Variants in OSBPL7 observed in about 807,000 individuals in gnomAD.
The protein encoded by OSBPL7 is oxysterol-binding protein-related protein 7.
In OSBPL7, 66 loss-of-function variants were observed where a neutral mutation model predicts 115.8. That is an observed-to-expected ratio of 0.57 (90% CI 0.47 to 0.70). OSBPL7 has a LOEUF of 0.70. Among genes scored for constraint, OSBPL7 ranks in the 30% least tolerant of loss-of-function variants. OSBPL7 has a pLI of 0.00. For synonymous variants in OSBPL7, 441 were observed against 439.2 expected (o/e 1.00, Z -0.05); for missense variants, 902 against 1,125.5 (o/e 0.80, Z 2.84).
Position 47,818,377 on chromosome 17 carries a change from C to A in OSBPL7, c.490G>T (p.Ala164Ser). 1.2e-6 allele frequency: 2 copies of A among 1,613,564 alleles called. No individual in the cohort carries two copies. The highest frequency in any genetic ancestry group is 1.7e-6 in the Non-Finnish European group (2 of 1,179,712). The change falls in exon 7 of 23, where the codon GCC becomes TCC. Residue 164 changes from alanine to serine, a missense_variant. Physicochemically the swap from Ala to Ser is moderately conservative, Grantham distance 99. Transcript: ENST00000007414. The stretch of plus-strand genomic sequence containing the variant: ...GCAGTAGCTGCTGTTGGAAGCTGGG[C>A]ACCAGGAACCTGTGGGGTGAGCCCA... ...PSTAHRKVPG[A>S]QLPTAATASA...
rs912682887 is a variant in OSBPL7 at position 47,813,592 on chromosome 17, G to A, written c.1594C>T (p.Arg532Cys). 9 of 1,609,856 alleles carry A rather than the reference G, an allele frequency of 5.6e-6. No homozygotes were observed. Among genetic ancestry groups the A allele is most frequent in the South Asian group, 1.1e-5 (1 of 90,980 alleles). ...QASRIADPCERMVYIAAFAVS... is the reference protein window; with the variant it reads ...QASRIADPCECMVYIAAFAVS... ...TGAGGACAGGAAGCAGGTACCATGC[G>A]CTCGCAGGGGTCGGCGATGCGGCTG... Residue 532 changes from arginine (R) to cysteine (C), a missense_variant, in exon 15 of 23, where the codon CGC becomes TGC. Arg to Cys is a radical substitution (Grantham distance 180). Around this residue, in one of 3 missense-constraint regions of OSBPL7, gnomAD observed 667 missense variants for 788.7 expected, o/e 0.85. Transcript: ENST00000007414.
In OSBPL7 at chr17:47,815,268, C is replaced by G; in HGVS notation, c.1204G>C (p.Glu402Gln). The change falls in exon 13 of 23, where the codon GAG becomes CAG. Residue 402 changes from glutamate to glutamine, a missense_variant. This residue lies in a region of OSBPL7 where 667 missense variants were observed against 788.7 expected (regional missense o/e 0.85). Transcript: ENST00000007414. ...AGAACCTCGCAGGCATCGAAGAACT[C>G]CGTGTGGGAATCAGCAAGGGACAGG... Reference protein sequence around the residue: ...SILSLADSHTEFFDACEVLLS... With the variant: ...SILSLADSHTQFFDACEVLLS... 1 of 1,613,970 alleles carries G rather than the reference C, an allele frequency of 6.2e-7. No individual in the cohort carries two copies. The highest frequency in any genetic ancestry group is 1.1e-5 in the South Asian group (1 of 91,066).
In OSBPL7 at chr17:47,816,630, G is replaced by T. The variant is rs1291717147; in HGVS notation, c.861C>A (p.Gly287=). 1.9e-6 allele frequency: 3 copies of T among 1,613,976 alleles called. No individual in the cohort carries two copies. In the Admixed American group the frequency reaches 5.0e-5, roughly 27 times the overall value. ...SRYLESRDSS[G]TRGLPPTDYA... is the part of the protein sequence containing the mutation. ...AGTCTGTGGGTGGCAGCCCACGGGT[G>T]CCCGAGGAGTCCCGAGACTCCAGGT... is the stretch of plus-strand genomic sequence containing the variant. The change falls in exon 10 of 23, where the codon GGC becomes GGA. Residue 287 remains glycine (G), a synonymous_variant. Transcript: ENST00000007414. This position sits in a 1 kb window ranked among gnomAD's most constrained non-coding sequence, Gnocchi z 5.8.
chr17:47,808,022 G>A lies in OSBPL7; in HGVS notation c.*269C>T, dbSNP rs1598009227. The A allele has an allele frequency of 9.9e-6, 5 of 502,962 alleles. No individual in the cohort carries two copies. The highest frequency in any genetic ancestry group is 3.3e-5 in the East Asian group (1 of 30,156). 31.2% of individuals were successfully genotyped at this position (502,962 alleles called of 1,614,324 possible). A position where few individuals can be genotyped will look rare whatever the true frequency, so the allele number is the denominator to read the frequency against. On this transcript the variant is annotated 3_prime_UTR_variant, in exon 23 of 23. Coordinates refer to ENST00000007414, the MANE Select transcript of OSBPL7 (RefSeq NM_145798.3). The surrounding 1 kb of genome is among the most constrained non-coding windows in gnomAD (Gnocchi z 6.1). ...AAGTACCCCAAAGGGGACAGGAATC[G>A]GAATGGTGAAGCGGGAAGGGTCTTA...
At position 47,819,679 on chromosome 17, in the gene OSBPL7, A is replaced by G. The variant is rs1276781870; in HGVS notation, c.255+50T>C. On this transcript the variant is annotated intron_variant, in intron 4 of 22. Transcript: ENST00000007414. ...CAGATACCCCATGCCTGCCCAGGGC[A>G]TACTGGGGCCAGACTCCTCCCACAA... 2.5e-6 allele frequency: 4 copies of G among 1,607,206 alleles called. No homozygotes were observed. The African/African-American group carries it at 4.0e-5, about 16-fold the overall frequency.
Position 47,816,368 on chromosome 17 carries a change from C to T in OSBPL7, c.1023+20G>A, listed in dbSNP as rs895731817. ...TGAAGCCCTCTCCCCGCACCAGTCA[C>T]CCTGTCCCCCAGGCCTCACCCCCAT... On this transcript the variant is annotated intron_variant, in intron 11 of 22. Transcript: ENST00000007414. The surrounding 1 kb of genome is among the most constrained non-coding windows in gnomAD (Gnocchi z 5.8). 1 of 1,491,048 alleles carries T rather than the reference C, an allele frequency of 6.7e-7. No individual in the cohort carries two copies. Among genetic ancestry groups the T allele is most frequent in the African/African-American group, 1.4e-5 (1 of 71,324 alleles). The allele number at this position is 1,491,048 out of a possible 1,614,324, so 92.4% of individuals were successfully genotyped here.
In OSBPL7 at chr17:47,816,053, C is replaced by T. The variant is rs1445508659; in HGVS notation, c.1119+54G>A. 1.9e-5 allele frequency: 28 copies of T among 1,472,606 alleles called. No individual in the cohort carries two copies. The highest frequency in any genetic ancestry group is 2.5e-5 in the Non-Finnish European group (27 of 1,095,072). The allele number at this position is 1,472,606 out of a possible 1,614,324, so 91.2% of individuals were successfully genotyped here. On this transcript the variant is annotated intron_variant, in intron 12 of 22. Coordinates refer to ENST00000007414, the MANE Select transcript of OSBPL7 (RefSeq NM_145798.3). The surrounding 1 kb of genome is among the most constrained non-coding windows in gnomAD (Gnocchi z 5.8). ...CCACTGCCCTGGGCCTTGGCTTTCGCTGGGAGAGAAGGCACAGGAGAATCG... is the reference window on the plus strand; with the variant it reads ...CCACTGCCCTGGGCCTTGGCTTTCGTTGGGAGAGAAGGCACAGGAGAATCG...
At position 47,808,534 on chromosome 17, in the gene OSBPL7, G is replaced by T; in HGVS notation, c.2420+4C>A. 6.2e-7 allele frequency: 1 copy of T among 1,614,202 alleles called. No homozygotes were observed. The highest frequency in any genetic ancestry group is 8.5e-7 in the Non-Finnish European group (1 of 1,180,012). ...ACCCAGGGCGGAGGGCGAGGCCGAG[G>T]CACCTGAAGAAGCGAGCCTGGTGTA... On this transcript the variant is annotated splice_donor_region_variant and intron_variant, in intron 22 of 22. Transcript: ENST00000007414. This position sits in a 1 kb window ranked among gnomAD's most constrained non-coding sequence, Gnocchi z 6.1.
Position 47,815,285 on chromosome 17 carries a change from A to C in OSBPL7, c.1187T>G (p.Leu396Arg). 1 of 1,613,992 alleles carries C rather than the reference A, an allele frequency of 6.2e-7. No homozygotes were observed. Among genetic ancestry groups the C allele is most frequent in the Non-Finnish European group, 8.5e-7 (1 of 1,179,994 alleles). ...PQLSQTSILS[L>R]ADSHTEFFDA... is the part of the protein sequence containing the mutation. Reference sequence around the variant, plus strand: ...GAAGAACTCCGTGTGGGAATCAGCAAGGGACAGGATGCTGGTCTGCGATAG... The same window carrying C: ...GAAGAACTCCGTGTGGGAATCAGCACGGGACAGGATGCTGGTCTGCGATAG... Residue 396 changes from leucine to arginine, a missense_variant, in exon 13 of 23, where the codon CTT becomes CGT. By Grantham distance (102) the Leu-to-Arg change is moderately radical (BLOSUM62 -2). This residue lies in a region of OSBPL7 where 667 missense variants were observed against 788.7 expected (regional missense o/e 0.85). Coordinates refer to ENST00000007414, the MANE Select transcript of OSBPL7 (RefSeq NM_145798.3).
rs1598010448 is a variant in OSBPL7, at chr17:47,808,761, C to T, written c.2298-101G>A. The T allele has an allele frequency of 1.9e-6, 3 of 1,602,078 alleles. No individual in the cohort carries two copies. Among genetic ancestry groups the T allele is most frequent in the East Asian group, 4.5e-5 (2 of 44,650 alleles). On this transcript the variant is annotated intron_variant, in intron 21 of 22. Coordinates refer to ENST00000007414, the MANE Select transcript of OSBPL7 (RefSeq NM_145798.3). This position sits in a 1 kb window ranked among gnomAD's most constrained non-coding sequence, Gnocchi z 6.1. ...AACTCTGTCCTCTAGACAAGCCCCACTTCTCTGAGGCCACTCAGTGAAGGA... is the reference window on the plus strand; with the variant it reads ...AACTCTGTCCTCTAGACAAGCCCCATTTCTCTGAGGCCACTCAGTGAAGGA...
rs2033211890 is a variant in OSBPL7 at position 47,816,265 on chromosome 17, C to T, written c.1024-63G>A. The T allele has an allele frequency of 1.3e-6, 2 of 1,513,230 alleles. No individual in the cohort carries two copies. The highest frequency in any genetic ancestry group is 1.8e-6 in the Non-Finnish European group (2 of 1,119,398). 93.7% of individuals were successfully genotyped at this position (1,513,230 alleles called of 1,614,324 possible). ...TGAGGTCCTCCCCACCTTGCCGCATCTCTGCAGAGACTGCCTCTGCCAACC... is the reference window on the plus strand; with the variant it reads ...TGAGGTCCTCCCCACCTTGCCGCATTTCTGCAGAGACTGCCTCTGCCAACC... On this transcript the variant is annotated intron_variant, in intron 11 of 22. Transcript: ENST00000007414. The surrounding 1 kb of genome is among the most constrained non-coding windows in gnomAD (Gnocchi z 5.8).
At chr17:47,815,111 G>A (rs2033169970) in intron 13 of OSBPL7, 104 bp downstream of exon 13, 1 of 1,418,508 alleles carries the variant, frequency 7.0e-7, no homozygotes, top group Non-Finnish European at 9.5e-7. Context: ...AGCAGCTGAG[G>A]TGGTGAGAAG....
Position 47,813,813 on chromosome 17 carries a change from G to T in OSBPL7, c.1373C>A (p.Pro458His), listed in dbSNP as rs2033126075. The T allele has an allele frequency of 6.2e-7, 1 of 1,611,194 alleles. No homozygotes were observed. Among genetic ancestry groups the T allele is most frequent in the East Asian group, 2.2e-5 (1 of 44,850 alleles). The stretch of plus-strand genomic sequence containing the variant: ...GCAGCGACGGCGGGGTGGCCCCATG[G>T]GTCTCCCTGGAACACACCCCCCTGG... Reference protein sequence around the residue: ...CQKGGCVPGRPMGPPRRRCLP... With the variant: ...CQKGGCVPGRHMGPPRRRCLP... The change falls in exon 15 of 23, where the codon CCC (proline) becomes CAC (histidine). Residue 458 changes from proline (P) to histidine (H), a missense_variant. Pro to His is a moderately conservative substitution (Grantham distance 77). Around this residue, in one of 3 missense-constraint regions of OSBPL7, gnomAD observed 667 missense variants for 788.7 expected, o/e 0.85. Coordinates refer to ENST00000007414, the MANE Select transcript of OSBPL7 (RefSeq NM_145798.3).
In OSBPL7 at chr17:47,813,598, A is replaced by T. The variant is rs762043984; in HGVS notation, c.1588T>A (p.Cys530Ser). 6.2e-7 allele frequency: 1 copy of T among 1,610,454 alleles called. No individual in the cohort carries two copies. The highest frequency in any genetic ancestry group is 1.1e-5 in the South Asian group (1 of 91,014). ...CAGGAAGCAGGTACCATGCGCTCGC[A>T]GGGGTCGGCGATGCGGCTGGCCTGG... is the stretch of plus-strand genomic sequence containing the variant. ...LDQASRIADP[C>S]ERMVYIAAFA... Residue 530 changes from cysteine to serine, a missense_variant, in exon 15 of 23, where the codon TGC becomes AGC. Around this residue, in one of 3 missense-constraint regions of OSBPL7, gnomAD observed 667 missense variants for 788.7 expected, o/e 0.85. Coordinates refer to ENST00000007414, the MANE Select transcript of OSBPL7 (RefSeq NM_145798.3).
At position 47,820,053 on chromosome 17, in the gene OSBPL7, AGCCTGACCCGAG is replaced by A. The variant is rs757029319; in HGVS notation, c.107_118del (p.Pro36_Arg39del). 1.2e-5 allele frequency: 19 copies of A among 1,611,968 alleles called. No homozygotes were observed. In the African/African-American group the frequency reaches 2.5e-4, roughly 22 times the overall value. Reference sequence around the variant, plus strand: ...CTCAGGCATGACACCCTCTGTCCCCAGCCTGACCCGAGGCTCCTCCACCACCTCCCACAGCTC... The same window carrying A: ...CTCAGGCATGACACCCTCTGTCCCCAGCTCCTCCACCACCTCCCACAGCTC... On this transcript the variant is annotated inframe_deletion, in exon 3 of 23. Coordinates refer to ENST00000007414, the MANE Select transcript of OSBPL7 (RefSeq NM_145798.3).
intron 14 of OSBPL7, 109 bp downstream of exon 14, chr17:47,814,412 A>G: frequency 2.0e-6 from 2 of 995,150 alleles, no homozygotes; most frequent in Non-Finnish European, 1.5e-6. Context: ...CAAAGCCACT[A>G]GCCCATCAGT....
At chr17:47,820,394 G>C in intron 1 of OSBPL7, 29 bp from the exon 2 acceptor site, 1 of 965,228 alleles carries the variant, frequency 1.0e-6, no homozygotes, top group East Asian at 2.6e-5. Flanking sequence ...CCCCCTTAAC[G>C]CAAACTCTGC....
chr17:47,813,772 C>G lies in OSBPL7; in HGVS notation c.1414G>C (p.Gly472Arg), dbSNP rs151320863. The change falls in exon 15 of 23, where the codon GGG becomes CGG. Residue 472 changes from glycine (G) to arginine (R), a missense_variant. By Grantham distance (125) the Gly-to-Arg change is moderately radical (BLOSUM62 -2). Around this residue, in one of 3 missense-constraint regions of OSBPL7, gnomAD observed 667 missense variants for 788.7 expected, o/e 0.85. Coordinates refer to ENST00000007414, the MANE Select transcript of OSBPL7 (RefSeq NM_145798.3). ...CACAGGCTCACGTCAGCCCCAGGCCCGCTGGCCGCCGGCAGGCAGCGACGG... is the reference window on the plus strand; with the variant it reads ...CACAGGCTCACGTCAGCCCCAGGCCGGCTGGCCGCCGGCAGGCAGCGACGG... ...PRRRCLPAAS[G>R]PGADVSLWNI... 6.2e-7 allele frequency: 1 copy of G among 1,613,040 alleles called. No homozygotes were observed. The highest frequency in any genetic ancestry group is 8.5e-7 in the Non-Finnish European group (1 of 1,179,888).
chr17:47,816,529 C>A lies in OSBPL7; in HGVS notation c.928+34G>T, dbSNP rs117765992. On this transcript the variant is annotated intron_variant, in intron 10 of 22. Transcript: ENST00000007414. The surrounding 1 kb of genome is among the most constrained non-coding windows in gnomAD (Gnocchi z 5.8). ...ATCAGAGTCCTCGCTCGCTCCTGTCCGCTCCCCACCAGCCCCTCCCAGCAG... is the reference window on the plus strand; with the variant it reads ...ATCAGAGTCCTCGCTCGCTCCTGTCAGCTCCCCACCAGCCCCTCCCAGCAG... 6.3e-7 allele frequency: 1 copy of A among 1,588,300 alleles called. No homozygotes were observed. The highest frequency in any genetic ancestry group is 1.1e-5 in the South Asian group (1 of 87,748).
Sources: gnomAD v4.1 joint callset for allele counts on GRCh38, gnomAD v4.1.1 for gene constraint, gnomAD v4.1.1 regional missense constraint, Gnocchi (gnomAD v3.1) non-coding constraint, MANE v1.5 for transcripts, NCBI Gene and HGNC (gene_info 2026-07-23, HGNC 2026-07-21) for gene names.